The following WDR90 variants were observed in gnomAD, a reference collection of about 807,000 sequenced individuals.
The protein encoded by WDR90 is WD repeat-containing protein 90.
In WDR90, 238 loss-of-function variants were observed where a neutral mutation model predicts 195.2. The ratio of observed to expected loss-of-function variants is 1.22; its 90% CI spans 1.10 to 1.36. The LOEUF is 1.36. Among genes scored for constraint, WDR90 ranks in the 40% most tolerant of loss-of-function variants. The pLI is 0.00. For synonymous variants in WDR90, 1,265 were observed against 1,052.4 expected (o/e 1.20, Z -3.91); for missense variants, 2,734 against 2,439.5 (o/e 1.12, Z -2.54).
rs1210399450 is a variant in WDR90, at chr16:655,153, G to C, written c.1556+6G>C. 1 of 1,612,382 alleles carries C rather than the reference G, an allele frequency of 6.2e-7. No individual in the cohort carries two copies. Reference sequence around the variant, plus strand: ...ACCTTTTTTGATGAAACCAGGTGATGCAGCCGCCCATCCACGATGTTGGGA... The same window carrying C: ...ACCTTTTTTGATGAAACCAGGTGATCCAGCCGCCCATCCACGATGTTGGGA... On this transcript the variant is annotated splice_donor_region_variant and intron_variant, in intron 14 of 40. Transcript: ENST00000293879.
At position 657,778 on chromosome 16, in the gene WDR90, G is replaced by C. The variant is rs376599074; in HGVS notation, c.2490G>C (p.Pro830=). Residue 830 remains proline (P), a synonymous_variant, in exon 21 of 41, where the codon CCG becomes CCC. Coordinates refer to ENST00000293879, the MANE Select transcript of WDR90 (RefSeq NM_145294.5). Reference sequence around the variant, plus strand: ...TGGCCACAGCGGACATGGTATGCCCGGATGCCCCCGCGAGCCCCAGCGCCC... The same window carrying C: ...TGGCCACAGCGGACATGGTATGCCCCGATGCCCCCGCGAGCCCCAGCGCCC... ...VLRVAADMVC[P]DAPASPSALA... is the part of the protein sequence containing the mutation. The C allele has an allele frequency of 2.6e-6, 4 of 1,549,432 alleles. No individual in the cohort carries two copies. In the South Asian group the frequency reaches 3.6e-5, roughly 14 times the overall value.
At position 662,819 on chromosome 16, in the gene WDR90, G is replaced by C. The variant is rs779321763; in HGVS notation, c.4286G>C (p.Arg1429Pro). 3 of 1,582,150 alleles carry C rather than the reference G, an allele frequency of 1.9e-6. No homozygotes were observed. The highest frequency in any genetic ancestry group is 2.3e-5 in the South Asian group (2 of 88,556). Reference sequence around the variant, plus strand: ...AGCTGGGCCGAGGGCACCAGCACACGTCTCATCAGTGGCCACAGGAGCAAG... The same window carrying C: ...AGCTGGGCCGAGGGCACCAGCACACCTCTCATCAGTGGCCACAGGAGCAAG... Reference protein sequence around the residue: ...FVSWAEGTSTRLISGHRSKVN... With the variant: ...FVSWAEGTSTPLISGHRSKVN... The change falls in exon 34 of 41, where the codon CGT (arginine) becomes CCT (proline). Residue 1429 changes from arginine to proline, a missense_variant. Coordinates refer to ENST00000293879, the MANE Select transcript of WDR90 (RefSeq NM_145294.5).
Position 661,955 on chromosome 16 carries a change from C to T in WDR90, c.3929C>T (p.Ala1310Val), listed in dbSNP as rs758522873. The change falls in exon 32 of 41, where the codon GCA (alanine) becomes GTA (valine). Residue 1310 changes from alanine (A) to valine (V), a missense_variant. Physicochemically the swap from Ala to Val is moderately conservative, Grantham distance 64 (BLOSUM62 0). Coordinates refer to ENST00000293879, the MANE Select transcript of WDR90 (RefSeq NM_145294.5). ...GAGCTGACCTCGCTCTGCTACGGGGCACCTCCCCTGCTCTATTGTGGCACC... is the reference window on the plus strand; with the variant it reads ...GAGCTGACCTCGCTCTGCTACGGGGTACCTCCCCTGCTCTATTGTGGCACC... ...AGELTSLCYG[A>V]PPLLYCGTSS... is the part of the protein sequence containing the mutation. 5.0e-6 allele frequency: 8 copies of T among 1,607,526 alleles called. No individual in the cohort carries two copies. The highest frequency in any genetic ancestry group is 5.9e-6 in the Non-Finnish European group (7 of 1,179,922).
At chr16:651,176 T>C in intron 6 of WDR90, 23 bp from the exon 7 acceptor site, 3 of 1,613,236 alleles carry the variant, frequency 1.9e-6, no homozygotes, top group East Asian at 2.2e-5. Flanking sequence ...CCCCAGACAC[T>C]GACTCTCCCT....
Position 659,373 on chromosome 16 carries a change from G to A in WDR90, c.3181G>A (p.Asp1061Asn), listed in dbSNP as rs112960809. ...GVCARPPEGGDGARDTRNSGA... is the reference protein window; with the variant it reads ...GVCARPPEGGNGARDTRNSGA... Reference sequence around the variant, plus strand: ...CTGTGCCAGGCCTCCCGAAGGTGGCGATGGTGAGCAGCAGGGGTCCTGGAG... The same window carrying A: ...CTGTGCCAGGCCTCCCGAAGGTGGCAATGGTGAGCAGCAGGGGTCCTGGAG... Residue 1061 changes from aspartate (D) to asparagine (N), a missense_variant, in exon 26 of 41, where the codon GAT becomes AAT. By Grantham distance (23) the Asp-to-Asn change is conservative. Transcript: ENST00000293879. 6.9e-4 allele frequency: 1,097 copies of A among 1,591,356 alleles called. 11 individuals are homozygous for A. The African/African-American group carries it at 0.012, about 17-fold the overall frequency.
At chr16:662,160 T>A in intron 32 of WDR90, 60 bp from the exon 33 acceptor site, 1 of 1,523,032 alleles carries the variant, frequency 6.6e-7, no homozygotes, top group Non-Finnish European at 8.8e-7. Context: ...CCGGGCAGCC[T>A]TGTGACCCAG....
intron 5 of WDR90, 129 bp downstream of exon 5, chr16:650,838 C>G: frequency 1.3e-6 from 2 of 1,484,896 alleles, no homozygotes; most frequent in Middle Eastern, 1.8e-4. Context: ...TGGCCAGAAC[C>G]CATCCCAGAG....
Position 667,803 on chromosome 16 carries a change from C to T in WDR90, c.*214C>T, listed in dbSNP as rs1326586531. The stretch of plus-strand genomic sequence containing the variant: ...CCTAAGAAATCTTTAATGTTTCTAT[C>T]TTGTAATAAACATGGGCATTTATTG... On this transcript the variant is annotated 3_prime_UTR_variant, in exon 41 of 41. Transcript: ENST00000293879. 2.9e-6 allele frequency: 2 copies of T among 696,690 alleles called. No individual in the cohort carries two copies. Among genetic ancestry groups the T allele is most frequent in the East Asian group, 2.7e-5 (1 of 36,662 alleles). 43.2% of individuals were successfully genotyped at this position (696,690 alleles called of 1,614,324 possible).
chr16:651,042 C>G lies in WDR90; in HGVS notation c.607C>G (p.Arg203Gly). ...WAKLPVTPMP[R>G]EMAFPVPKGE... ...AAAGCTGCCCGTGACTCCTATGCCTCGGGAAATGGCATTCCCTGTGCCCAA... is the reference window on the plus strand; with the variant it reads ...AAAGCTGCCCGTGACTCCTATGCCTGGGGAAATGGCATTCCCTGTGCCCAA... The change falls in exon 6 of 41, where the codon CGG becomes GGG. Residue 203 changes from arginine (R) to glycine (G), a missense_variant. Arg to Gly is a moderately radical substitution (Grantham distance 125). Coordinates refer to ENST00000293879, the MANE Select transcript of WDR90 (RefSeq NM_145294.5). 2 of 1,612,394 alleles carry G rather than the reference C, an allele frequency of 1.2e-6. No homozygotes were observed. The highest frequency in any genetic ancestry group is 1.7e-6 in the Non-Finnish European group (2 of 1,179,364).
Position 650,053 on chromosome 16 carries a change from C to T in WDR90, c.165C>T (p.Ile55=). ...IRGSVSAANY[I]QLPKSSTQSL... ...GCTCAGTCTCTGCCGCCAACTACAT[C>T]CAGCTCCCTAAGAGCAGCACCCAGT... Residue 55 remains isoleucine (I), a synonymous_variant, in exon 3 of 41, where the codon ATC becomes ATT. Coordinates refer to ENST00000293879, the MANE Select transcript of WDR90 (RefSeq NM_145294.5). 1 of 1,612,934 alleles carries T rather than the reference C, an allele frequency of 6.2e-7. No homozygotes were observed. Among genetic ancestry groups the T allele is most frequent in the Non-Finnish European group, 8.5e-7 (1 of 1,179,988 alleles).
In WDR90 at chr16:660,140, C is replaced by T. The variant is rs1468019013; in HGVS notation, c.3267C>T (p.Ser1089=). 6.5e-7 allele frequency: 1 copy of T among 1,536,794 alleles called. No individual in the cohort carries two copies. The highest frequency in any genetic ancestry group is 2.5e-5 in the East Asian group (1 of 40,636). ...SCKAFTPARV[S]CSPHSAKGTC... ...AGGCCTTCACGCCTGCCAGGGTCAG[C>T]TGCAGCCCCCACTCTGCCAAGGTGG... Residue 1089 remains serine, a synonymous_variant, in exon 27 of 41, where the codon AGC becomes AGT. Coordinates refer to ENST00000293879, the MANE Select transcript of WDR90 (RefSeq NM_145294.5).
intron 34 of WDR90, 118 bp from the exon 35 acceptor site, chr16:665,561 C>A (rs1014031203): frequency 9.1e-6 from 14 of 1,537,994 alleles, no homozygotes; most frequent in Non-Finnish European, 1.2e-5. Flanking sequence ...TTGGCCGGGG[C>A]CAGAGGCACA....
At position 650,652 on chromosome 16, in the gene WDR90, C is replaced by T. The variant is rs202040627; in HGVS notation, c.502C>T (p.Leu168=). Reference sequence around the variant, plus strand: ...CTACGGCCATCTCAAGAGCATCAGGCTGTGCGCCAGCCTGCTGGTCAGGAA... The same window carrying T: ...CTACGGCCATCTCAAGAGCATCAGGTTGTGCGCCAGCCTGCTGGTCAGGAA... ...RCYGHLKSIR[L]CASLLVRNLY... Residue 168 remains leucine, a synonymous_variant, in exon 5 of 41, where the codon CTG becomes TTG. Transcript: ENST00000293879. The T allele has an allele frequency of 1.9e-6, 3 of 1,612,728 alleles. No individual in the cohort carries two copies. Among genetic ancestry groups the T allele is most frequent in the African/African-American group, 2.7e-5 (2 of 75,044 alleles).
chr16:667,757 TTC>T lies in WDR90; in HGVS notation c.*169_*170del. On this transcript the variant is annotated 3_prime_UTR_variant, in exon 41 of 41. Coordinates refer to ENST00000293879, the MANE Select transcript of WDR90 (RefSeq NM_145294.5). ...GTAAATTTGGCGCCCTGTGAATACT[TTC>T]ATACCTGTTGCCCTTTTGCCTAAGA... The T allele has an allele frequency of 1.1e-6, 1 of 911,554 alleles. No homozygotes were observed. Among genetic ancestry groups the T allele is most frequent in the South Asian group, 1.4e-5 (1 of 70,324 alleles). The allele number at this position is 911,554 out of a possible 1,614,324, so 56.5% of individuals were successfully genotyped here.
At chr16:654,885 C>T (rs1217529009) in intron 13 of WDR90, 144 bp from the exon 14 acceptor site, 11 of 700,512 alleles carry the variant, frequency 1.6e-5, no homozygotes, top group South Asian at 9.1e-5. Flanking sequence ...GGCTGGTTTC[C>T]TTCCACTCTC....
rs756933879 is a variant in WDR90, at chr16:655,715, C to T, written c.1849+12C>T. The T allele has an allele frequency of 6.3e-6, 10 of 1,584,314 alleles. No homozygotes were observed. In the African/African-American group the frequency reaches 9.4e-5, roughly 15 times the overall value. On this transcript the variant is annotated intron_variant, in intron 16 of 40. Transcript: ENST00000293879. ...GACCTTCAGCTCAGGTAAGAGGGCG[C>T]CCACCACGTGGCCAGGGTGGCAGGG...
chr16:662,511 T>G (rs1481505216), intron 33 of WDR90, 168 bp from the exon 34 acceptor site: 12 of 1,193,494 alleles, frequency 1.0e-5, no homozygotes. Context: ...AGTACGGGCA[T>G]GGGCCCAGAA....
chr16:659,324 G>C lies in WDR90; in HGVS notation c.3132G>C (p.Gln1044His), dbSNP rs770282395. Residue 1044 changes from glutamine (Q) to histidine (H), a missense_variant, in exon 26 of 41, where the codon CAG becomes CAC. By Grantham distance (24) the Gln-to-His change is conservative. Transcript: ENST00000293879. The part of the protein sequence containing the change: ...LPRQQVPKPC[Q>H]ASPPRLGVCA... ...GGCAGCAGGTCCCCAAGCCATGTCA[G>C]GCATCTCCACCACGGCTGGGCGTCT... The C allele has an allele frequency of 6.3e-6, 10 of 1,598,962 alleles. No homozygotes were observed. Among genetic ancestry groups the C allele is most frequent in the Non-Finnish European group, 8.5e-6 (10 of 1,173,692 alleles).
In WDR90 at chr16:651,948, A is replaced by T. The variant is rs1444824867; in HGVS notation, c.962A>T (p.Glu321Val). The T allele has an allele frequency of 1.9e-6, 3 of 1,608,438 alleles. No homozygotes were observed. The African/African-American group carries it at 4.0e-5, about 21-fold the overall frequency. The change falls in exon 9 of 41, where the codon GAG (glutamate) becomes GTG (valine). Residue 321 changes from glutamate (E) to valine (V), a missense_variant. Glu to Val is a moderately radical substitution (Grantham distance 121, BLOSUM62 -2). Coordinates refer to ENST00000293879, the MANE Select transcript of WDR90 (RefSeq NM_145294.5). ...FHSLEPWAQL[E>V]ASDIHTAAAG... ...AGCCTTGAGCCCTGGGCCCAGCTGG[A>T]GGCCTCTGACATCCACACGGCTGCT... is the stretch of plus-strand genomic sequence containing the variant.
Sources: gnomAD v4.1 joint callset for allele counts on GRCh38, gnomAD v4.1.1 for gene constraint, MANE v1.5 for transcripts, NCBI Gene and HGNC (gene_info 2026-07-23, HGNC 2026-07-21) for gene names.